Variants in MYEF2 observed in about 807,000 individuals in gnomAD.
MYEF2 encodes the protein myelin expression factor 2, also known as myelin gene expression factor 2.
MYEF2 carries 37 observed loss-of-function variants against 75.2 expected under a neutral mutation model. The ratio of observed to expected loss-of-function variants is 0.49; its 90% CI spans 0.38 to 0.65. The LOEUF is 0.65. Among genes scored for constraint, MYEF2 ranks in the 30% least tolerant of loss-of-function variants. MYEF2 has a pLI of 0.00. For synonymous variants in MYEF2, 195 were observed against 241.6 expected, an observed-to-expected ratio of 0.81 and a Z score of 1.79; for missense variants, 634 against 771.4, an observed-to-expected ratio of 0.82 and a Z score of 2.11.
In MYEF2 at chr15:48,142,408, A is replaced by ATTTCT; in HGVS notation, c.*499_*500insAGAAA. The ATTTCT allele has an allele frequency of 8.2e-7, 1 of 1,217,606 alleles. No individual in the cohort carries two copies. Among genetic ancestry groups the ATTTCT allele is most frequent in the Non-Finnish European group, 1.1e-6 (1 of 893,164 alleles). 75.4% of individuals were successfully genotyped at this position (1,217,606 alleles called of 1,614,324 possible). On this transcript the variant is annotated 3_prime_UTR_variant, in exon 17 of 17. Transcript: ENST00000324324. Reference sequence around the variant, plus strand: ...ATGGCAGGGAGGGGCAGAGAGAAAAATCCATTTCTTCATTTAAATCAAATT... The same window carrying ATTTCT: ...ATGGCAGGGAGGGGCAGAGAGAAAAATTTCTTCCATTTCTTCATTTAAATCAAATT...
In MYEF2 at chr15:48,137,693, G is replaced by C. The variant is rs748192915; in HGVS notation, c.*5215C>G. On this transcript the variant is annotated 3_prime_UTR_variant, in exon 17 of 17. Coordinates refer to ENST00000324324, the MANE Select transcript of MYEF2 (RefSeq NM_016132.5). ...GCATCACCAAGACTATATGGGGCCA[G>C]AAAAAGGAACAAAGACACCTCCTAT... 2.0e-5 allele frequency: 3 copies of C among 152,066 alleles called. No homozygotes were observed. The highest frequency in any genetic ancestry group is 2.9e-5 in the Non-Finnish European group (2 of 68,002). 9.4% of individuals were successfully genotyped at this position (152,066 alleles called of 1,614,324 possible). A position where few individuals can be genotyped will look rare whatever the true frequency, so the allele number is the denominator to read the frequency against.
rs1597305700 is a variant in MYEF2, at chr15:48,151,807, G to A, written c.1207+67C>T. ...TTTTAGCACACATTCCTAAGTTATA[G>A]GGGGGAAATATTAATAATAGGGAAA... On this transcript the variant is annotated intron_variant, in intron 12 of 16. Transcript: ENST00000324324. The A allele has an allele frequency of 4.6e-6, 7 of 1,537,498 alleles. No homozygotes were observed. In the East Asian group the frequency reaches 1.4e-4, roughly 30 times the overall value.
At position 48,137,263 on chromosome 15, in the gene MYEF2, G is replaced by A; in HGVS notation, c.*5645C>T. 3.6e-6 allele frequency: 1 copy of A among 277,858 alleles called. No individual in the cohort carries two copies. Among genetic ancestry groups the A allele is most frequent in the Non-Finnish European group, 6.7e-6 (1 of 148,704 alleles). 17.2% of individuals were successfully genotyped at this position (277,858 alleles called of 1,614,324 possible). On this transcript the variant is annotated 3_prime_UTR_variant, in exon 17 of 17. Coordinates refer to ENST00000324324, the MANE Select transcript of MYEF2 (RefSeq NM_016132.5). ...ATAGGAGATTTTCACAGAGAAGGGA[G>A]CATTTAAATTGGGCCTTGCTGGACA...
At chr15:48,159,947 G>T in intron 5 of MYEF2, 143 bp from the exon 6 acceptor site, 1 of 810,894 alleles carries the variant, frequency 1.2e-6, no homozygotes, top group Non-Finnish European at 1.9e-6. Flanking sequence ...TTCTCATCCA[G>T]AGAATTGAGT....
Position 48,149,548 on chromosome 15 carries a change from C to T in MYEF2, c.1379-177G>A, listed in dbSNP as rs935967117. On this transcript the variant is annotated intron_variant, in intron 14 of 16. Transcript: ENST00000324324. This position sits in a 1 kb window ranked among gnomAD's most constrained non-coding sequence, Gnocchi z 4.0. The stretch of plus-strand genomic sequence containing the variant: ...ATAAAAACATAAAATTATTTTCATA[C>T]AGATAACAACTTTCCAAAGAACAGA... 3 of 425,270 alleles carry T rather than the reference C, an allele frequency of 7.1e-6. No homozygotes were observed. The highest frequency in any genetic ancestry group is 4.1e-5 in the African/African-American group (2 of 49,194). 26.3% of individuals were successfully genotyped at this position (425,270 alleles called of 1,614,324 possible).
chr15:48,164,270 T>C (rs1431322527), intron 5 of MYEF2, among the ~76,000 whole-genome samples: 1 of 152,172 alleles, frequency 6.6e-6, no homozygotes. Context: ...CTTTGAGGGC[T>C]TCAAGATTTC....
Position 48,170,563 on chromosome 15 carries a change from T to C in MYEF2, c.162-1724A>G, listed in dbSNP as rs141064155. Among the ~76,000 whole-genome samples, 43 of 152,316 alleles carry C rather than the reference T, an allele frequency of 2.8e-4. No homozygotes were observed. In the East Asian group the frequency reaches 7.9e-3, roughly 28 times the overall value. On this transcript the variant is annotated intron_variant, in intron 1 of 16. Transcript: ENST00000324324. ...GACACCCAGGAATCTAAATTTTTTT[T>C]AAAGCTTTCTGGATTATTCTGACAA...
Position 48,149,636 on chromosome 15 carries a change from A to G in MYEF2, c.1379-265T>C. Reference sequence around the variant, plus strand: ...TAGCCACTGTATAAATACATTATGCATATATAACTGTATAAAATTGTATTC... The same window carrying G: ...TAGCCACTGTATAAATACATTATGCGTATATAACTGTATAAAATTGTATTC... On this transcript the variant is annotated intron_variant, in intron 14 of 16. Coordinates refer to ENST00000324324, the MANE Select transcript of MYEF2 (RefSeq NM_016132.5). The surrounding 1 kb of genome is among the most constrained non-coding windows in gnomAD (Gnocchi z 4.0). The G allele has an allele frequency of 4.2e-6, 1 of 238,120 alleles. No homozygotes were observed. 14.8% of individuals were successfully genotyped at this position (238,120 alleles called of 1,614,324 possible).
chr15:48,159,087 C>T (rs1695441622), intron 6 of MYEF2, among the ~76,000 whole-genome samples, 165 bp from the exon 7 acceptor site: 1 of 152,100 alleles, frequency 6.6e-6, no homozygotes, highest in African/African-American at 2.4e-5. Flanking sequence ...TGCTTAAAAT[C>T]ATTTAAGCTA....
chr15:48,162,121 G>A (rs1166717640), intron 5 of MYEF2, among the ~76,000 whole-genome samples: 2 of 151,682 alleles, frequency 1.3e-5, no homozygotes, highest in Non-Finnish European at 2.9e-5. Flanking sequence ...GAATAATTTG[G>A]AAGCAAGCTC....
chr15:48,168,902 T>A, intron 1 of MYEF2, 63 bp from the exon 2 acceptor site: 1 of 1,243,236 alleles, frequency 8.0e-7, no homozygotes, highest in Non-Finnish European at 1.1e-6. Flanking sequence ...AATGGAAGTC[T>A]ATATTAAATA....
rs370111112 is a variant in MYEF2, at chr15:48,158,911, T to C, written c.729A>G (p.Lys243=). The change falls in exon 7 of 17, where the codon AAA becomes AAG. Residue 243 remains lysine (K), a synonymous_variant. Coordinates refer to ENST00000324324, the MANE Select transcript of MYEF2 (RefSeq NM_016132.5). ...CTTCCTTTAGCTTCTTCCAACCAAC[T>C]TTGAAGTCAAGCTTAATATAAAATT... is the stretch of plus-strand genomic sequence containing the variant. ...STIFVANLDF[K]VGWKKLKEVF... is the part of the protein sequence containing the mutation. The C allele has an allele frequency of 1.9e-5, 30 of 1,613,196 alleles. No homozygotes were observed. Among genetic ancestry groups the C allele is most frequent in the Non-Finnish European group, 2.5e-5 (29 of 1,179,566 alleles).
Position 48,142,492 on chromosome 15 carries a change from A to C in MYEF2, c.*416T>G. ...CAGTAATTTAAAACCAACCAAAATC[A>C]CATCCTAATTTTTCTGAGCCCTTTC... On this transcript the variant is annotated 3_prime_UTR_variant, in exon 17 of 17. Transcript: ENST00000324324. 1 of 615,878 alleles carries C rather than the reference A, an allele frequency of 1.6e-6. No homozygotes were observed. Among genetic ancestry groups the C allele is most frequent in the Non-Finnish European group, 2.5e-6 (1 of 393,194 alleles). The allele number at this position is 615,878 out of a possible 1,614,324, so 38.2% of individuals were successfully genotyped here.
At chr15:48,165,837 A>T in intron 5 of MYEF2, 96 bp downstream of exon 5, 1 of 855,416 alleles carries the variant, frequency 1.2e-6, no homozygotes, top group Non-Finnish European at 1.8e-6. Flanking sequence ...TTTTAAAAAA[A>T]AGTTGTAGTC....
At chr15:48,160,486 T>TACACACAC (rs372090273) in intron 5 of MYEF2, among the ~76,000 whole-genome samples, 2,439 of 139,270 alleles carry the variant, frequency 0.018, 48 homozygotes, top group East Asian at 0.061. Context: ...AAACCAAACA[T>TACACACAC]ACACACACAC....
chr15:48,149,511 T>C lies in MYEF2; in HGVS notation c.1379-140A>G, dbSNP rs1470464075. On this transcript the variant is annotated intron_variant, in intron 14 of 16. Coordinates refer to ENST00000324324, the MANE Select transcript of MYEF2 (RefSeq NM_016132.5). This position sits in a 1 kb window ranked among gnomAD's most constrained non-coding sequence, Gnocchi z 4.0. ...GAAGGGGGAAATTAATTTGTTTATATAATTAAATAATATAAAAACATAAAA... is the reference window on the plus strand; with the variant it reads ...GAAGGGGGAAATTAATTTGTTTATACAATTAAATAATATAAAAACATAAAA... 1.9e-5 allele frequency: 10 copies of C among 521,488 alleles called. No homozygotes were observed. Among genetic ancestry groups the C allele is most frequent in the Non-Finnish European group, 3.2e-5 (10 of 308,144 alleles). 32.3% of individuals were successfully genotyped at this position (521,488 alleles called of 1,614,324 possible).
intron 12 of MYEF2, 44 bp from the exon 13 acceptor site, chr15:48,151,615 T>A (rs765736391): frequency 7.3e-6 from 11 of 1,496,768 alleles, no homozygotes; most frequent in Non-Finnish European, 1.0e-5. Flanking sequence ...AATATATCAA[T>A]ACATGTTGAA....
At chr15:48,171,247 A>C (rs755444512) in intron 1 of MYEF2, among the ~76,000 whole-genome samples, 1 of 152,048 alleles carries the variant, frequency 6.6e-6, no homozygotes, top group Non-Finnish European at 1.5e-5. Flanking sequence ...AGTAACTAAG[A>C]CTCTATTCAG....
chr15:48,151,856 C>G lies in MYEF2; in HGVS notation c.1207+18G>C. 6.2e-7 allele frequency: 1 copy of G among 1,609,472 alleles called. No individual in the cohort carries two copies. The highest frequency in any genetic ancestry group is 8.5e-7 in the Non-Finnish European group (1 of 1,176,016). On this transcript the variant is annotated intron_variant, in intron 12 of 16. Coordinates refer to ENST00000324324, the MANE Select transcript of MYEF2 (RefSeq NM_016132.5). ...AAACTAAATATGCACACACTTCCCA[C>G]TGCATACATTTACCTACCTCCCATT...
Sources: gnomAD v4.1 joint callset for allele counts (sites outside exome capture counted in the v4.1 genomes callset) on GRCh38, gnomAD v4.1.1 for gene constraint, Gnocchi (gnomAD v3.1) non-coding constraint, MANE v1.5 for transcripts, NCBI Gene and HGNC (gene_info 2026-07-23, HGNC 2026-07-21) for gene names.